CHN2: variants seen among roughly 807,000 people sequenced by gnomAD.
CHN2 encodes the protein beta-chimaerin.
CHN2 carries 35 observed loss-of-function variants against 56.3 expected under a neutral mutation model. The ratio of observed to expected loss-of-function variants is 0.62; its 90% CI spans 0.47 to 0.82. The LOEUF (loss-of-function observed/expected upper bound fraction) is 0.82. CHN2 is among the 40% of genes least tolerant of loss of function. The pLI is 0.00. For synonymous variants in CHN2, 210 were observed against 212.8 expected, an observed-to-expected ratio of 0.99 and a Z score of 0.12; for missense variants, 491 against 580.5, an observed-to-expected ratio of 0.85 and a Z score of 1.58.
intron 1 of CHN2, among the ~76,000 whole-genome samples, chr7:29,195,812 A>G (rs1255070223): frequency 2.6e-5 from 4 of 152,138 alleles, no homozygotes; most frequent in African/African-American, 9.7e-5. Context: ...GAAGAGAAAA[A>G]AATTGCTAAT....
chr7:29,201,963 G>A (rs1784197721), intron 1 of CHN2, among the ~76,000 whole-genome samples: 1 of 152,160 alleles, frequency 6.6e-6, no homozygotes, highest in South Asian at 2.1e-4. Flanking sequence ...ATGATATTGG[G>A]GAGGGTAATT....
chr7:29,298,477 A>G (rs1324615865), intron 1 of CHN2, among the ~76,000 whole-genome samples: 1 of 152,222 alleles, frequency 6.6e-6, no homozygotes. Flanking sequence ...CAAGGGATAG[A>G]AAAGGATGTC....
intron 2 of CHN2, among the ~76,000 whole-genome samples, chr7:29,172,889 G>A (rs1241031076): frequency 6.6e-6 from 1 of 152,012 alleles, no homozygotes; most frequent in East Asian, 1.9e-4. Context: ...CCAGCGTTTT[G>A]GGAGGCCGAG....
rs73684729 is a variant in CHN2 at position 29,509,433 on chromosome 7, C to T, written c.1235+27C>T. The T allele has an allele frequency of 6.8e-4, 1,055 of 1,557,736 alleles. 8 individuals are homozygous for T. In the African/African-American group the frequency reaches 0.012, roughly 18 times the overall value. ...TAAGCTCATGTCTCGTGCACAAAGC[C>T]TGCTCTGCTCCTAGAGCGGTTAATG... On this transcript the variant is annotated intron_variant, in intron 12 of 12. Coordinates refer to ENST00000222792, the MANE Select transcript of CHN2 (RefSeq NM_004067.4).
intron 1 of CHN2, among the ~76,000 whole-genome samples, chr7:29,265,191 T>C (rs1287490091): frequency 6.6e-6 from 1 of 152,160 alleles, no homozygotes; most frequent in African/African-American, 2.4e-5. Context: ...TCCTTCAACT[T>C]CTCCTGACTC....
rs375120538 is a variant in CHN2, at chr7:29,482,797, C to CTT, written c.654+2482_654+2483dup. On this transcript the variant is annotated intron_variant, in intron 7 of 12. Transcript: ENST00000222792. ...TGCTAGGTGCTGTCTGCACTTTTTT[C>CTT]TTTTTTTTTTTTTTTTTTTTTTTTT... 1.6e-3 allele frequency among the ~76,000 whole-genome samples: 103 copies of CTT among 64,212 alleles called. 23 individuals carry two copies. Among genetic ancestry groups the CTT allele is most frequent in the Non-Finnish European group, 2.2e-3 (76 of 34,258 alleles). 42.1% of individuals were successfully genotyped at this position (64,212 alleles called of 152,430 possible). A position where few individuals can be genotyped will look rare whatever the true frequency, so the allele number is the denominator to read the frequency against.
At chr7:29,346,204 T>A (rs1039221359) in intron 1 of CHN2, among the ~76,000 whole-genome samples, 1 of 152,142 alleles carries the variant, frequency 6.6e-6, no homozygotes, top group Non-Finnish European at 1.5e-5. Flanking sequence ...CCTGACAAGA[T>A]CATAGCTACA....
intron 1 of CHN2, among the ~76,000 whole-genome samples, chr7:29,295,635 A>T (rs1369251165): frequency 6.6e-6 from 1 of 152,124 alleles, no homozygotes; most frequent in Non-Finnish European, 1.5e-5. Context: ...AAATCGCTTT[A>T]TGGTTATTGA....
At position 29,225,896 on chromosome 7, in the gene CHN2, C is replaced by T. The variant is rs771736162; in HGVS notation, c.49+30906C>T. The stretch of plus-strand genomic sequence containing the variant: ...ATGTCCTACAAGGCATGGGATTAGG[C>T]GTTTATTAATAAAACTCCCCAAATG... On this transcript the variant is annotated intron_variant, in intron 1 of 12. Coordinates refer to ENST00000222792, the MANE Select transcript of CHN2 (RefSeq NM_004067.4). 1.2e-4 allele frequency among the ~76,000 whole-genome samples: 19 copies of T among 152,080 alleles called. No homozygotes were observed. The East Asian group carries it at 2.1e-3, about 17-fold the overall frequency.
chr7:29,433,643 C>A (rs1013139566), intron 6 of CHN2, among the ~76,000 whole-genome samples: 3 of 152,004 alleles, frequency 2.0e-5, no homozygotes, highest in Admixed American at 6.6e-5. Context: ...TCGAGACCAG[C>A]CTGGACAACA....
At chr7:29,483,795 G>A (rs957021068) in intron 7 of CHN2, 4 of 1,145,270 alleles carry the variant, frequency 3.5e-6, no homozygotes, top group Admixed American at 8.9e-5. Context: ...CGGCTTGCTC[G>A]GCTTCCTGCC....
chr7:29,154,870 C>G (rs957768727), intron 2 of CHN2, among the ~76,000 whole-genome samples: 3 of 152,088 alleles, frequency 2.0e-5, no homozygotes, highest in African/African-American at 4.8e-5. Flanking sequence ...AAGACATACT[C>G]GAGACTGGGC....
intron 1 of CHN2, among the ~76,000 whole-genome samples, chr7:29,257,941 C>T (rs1228596034): frequency 1.3e-5 from 2 of 152,068 alleles, no homozygotes; most frequent in African/African-American, 4.8e-5. Context: ...GCACGTGCCA[C>T]CACCCCTGGC....
chr7:29,152,016 C>G (rs1023025336), intron 2 of CHN2, among the ~76,000 whole-genome samples: 2 of 152,124 alleles, frequency 1.3e-5, no homozygotes, highest in African/African-American at 4.8e-5. Flanking sequence ...TTATTTTCTT[C>G]GAATGGAAAT....
At chr7:29,264,953 T>G (rs1181303711) in intron 1 of CHN2, among the ~76,000 whole-genome samples, 2 of 151,160 alleles carry the variant, frequency 1.3e-5, no homozygotes, top group East Asian at 3.9e-4. Flanking sequence ...TAGCAAAAAT[T>G]TAATCTATTG....
At chr7:29,255,490 C>CTG (rs1376291864) in intron 1 of CHN2, among the ~76,000 whole-genome samples, 1 of 152,152 alleles carries the variant, frequency 6.6e-6, no homozygotes, top group African/African-American at 2.4e-5. Context: ...GAGGAAGAAG[C>CTG]TGAGTGATCT....
At chr7:29,370,466 T>C (rs921293162) in intron 3 of CHN2, among the ~76,000 whole-genome samples, 8 of 152,210 alleles carry the variant, frequency 5.3e-5, no homozygotes, top group South Asian at 2.1e-4. Flanking sequence ...TACGTTTTCC[T>C]ATTACATCTC....
intron 8 of CHN2, among the ~76,000 whole-genome samples, chr7:29,496,884 G>T (rs1274022186): frequency 2.0e-5 from 3 of 152,128 alleles, no homozygotes; most frequent in Non-Finnish European, 4.4e-5. Flanking sequence ...CTCTGATATT[G>T]ATCAGGTTTC....
intron 6 of CHN2, among the ~76,000 whole-genome samples, chr7:29,440,389 A>G (rs559276192): frequency 1.3e-5 from 2 of 152,114 alleles, no homozygotes; most frequent in Non-Finnish European, 2.9e-5. Context: ...TCACTATACA[A>G]CAATTAAAGA....
Sources: gnomAD v4.1 joint callset for allele counts (sites outside exome capture counted in the v4.1 genomes callset) on GRCh38, gnomAD v4.1.1 for gene constraint, MANE v1.5 for transcripts, NCBI Gene and HGNC (gene_info 2026-07-23, HGNC 2026-07-21) for gene names.